The following HPR variants were observed in gnomAD, a reference collection of about 807,000 sequenced individuals.
HPR encodes the protein haptoglobin-related protein.
In HPR, 17 loss-of-function variants were observed where a neutral mutation model predicts 18.5. The observed-to-expected ratio is 0.92, with a 90% confidence interval of 0.63 to 1.38. The LOEUF (loss-of-function observed/expected upper bound fraction) is 1.38, where lower values mean the gene tolerates loss of function less well. HPR is among the 40% of genes most tolerant of loss of function. The pLI is 0.00. For synonymous variants in HPR, 176 were observed against 165.0 expected, an observed-to-expected ratio of 1.07 and a Z score of -0.51; for missense variants, 457 against 432.4, an observed-to-expected ratio of 1.06 and a Z score of -0.51.
intron 3 of HPR, chr16:72,074,782 G>C (rs1444111490): frequency 4.5e-6 from 3 of 673,492 alleles, no homozygotes; most frequent in African/African-American, 1.8e-5. Flanking sequence ...CCACTGAATA[G>C]AGGTTATTAT....
At chr16:72,075,821 T>C (rs1284531646) in intron 4 of HPR, among the ~76,000 whole-genome samples, 1 of 151,762 alleles carries the variant, frequency 6.6e-6, no homozygotes, top group Non-Finnish European at 1.5e-5. Context: ...GCCCTTTCTT[T>C]TTTCTTTCTT....
At chr16:72,075,052 TTCTTTTTAATTCTTC>T in intron 3 of HPR, 78 bp from the exon 4 acceptor site, 1 of 777,976 alleles carries the variant, frequency 1.3e-6, no homozygotes, top group African/African-American at 2.2e-5. Context: ...TTTCTTCTTC[TTCTTTTTAATTCTTC>T]TCCTTAAATG....
intron 1 of HPR, among the ~76,000 whole-genome samples, chr16:72,068,290 T>C (rs1168900681): frequency 1.3e-5 from 2 of 152,142 alleles, no homozygotes; most frequent in African/African-American, 4.8e-5. Context: ...GGCCGCTTAA[T>C]AAGTGCGGGC....
chr16:72,069,847 T>C (rs981957206), intron 1 of HPR, among the ~76,000 whole-genome samples: 4 of 152,322 alleles, frequency 2.6e-5, no homozygotes, highest in Admixed American at 6.5e-5. Context: ...TTAGTAATAA[T>C]AGACCACTTT....
chr16:72,074,794 C>A, intron 3 of HPR: 1 of 656,218 alleles, frequency 1.5e-6, no homozygotes, highest in Non-Finnish European at 2.8e-6. Context: ...GGTTATTATT[C>A]TCACTTTGCT....
At chr16:72,066,551 G>C (rs1004307518) in intron 1 of HPR, among the ~76,000 whole-genome samples, 13 of 152,218 alleles carry the variant, frequency 8.5e-5, no homozygotes, top group African/African-American at 3.1e-4. Flanking sequence ...TCCATACCCA[G>C]AACTCAAAAG....
intron 3 of HPR, chr16:72,074,811 G>T (rs1313812894): frequency 2.3e-5 from 15 of 651,386 alleles, no homozygotes; most frequent in Non-Finnish European, 4.2e-5. Flanking sequence ...TGCTGATAAG[G>T]AAACAGAGGC....
intron 2 of HPR, 97 bp downstream of exon 2, chr16:72,074,074 T>A (rs949775605): frequency 1.3e-5 from 19 of 1,509,550 alleles, no homozygotes; most frequent in African/African-American, 5.4e-5. Flanking sequence ...GAACACACAG[T>A]TCCCCATTCT....
chr16:72,075,438 T>G (rs1007520286), intron 4 of HPR, among the ~76,000 whole-genome samples: 26 of 152,202 alleles, frequency 1.7e-4, no homozygotes, highest in African/African-American at 6.3e-4. Flanking sequence ...GGGCACTGGC[T>G]GAATCCACTG....
rs1597422097 is a variant in HPR, at chr16:72,077,032, A to G, written c.998A>G (p.Lys333Arg). The change falls in exon 5 of 5, where the codon AAG becomes AGG. Residue 333 changes from lysine to arginine, a missense_variant. Lys to Arg is a conservative substitution (Grantham distance 26, BLOSUM62 2). Coordinates refer to ENST00000540303, the MANE Select transcript of HPR (RefSeq NM_020995.4). Reference protein sequence around the residue: ...CAVAEYGVYVKVTSIQHWVQK... With the variant: ...CAVAEYGVYVRVTSIQHWVQK... ...GTGGCTGAGTATGGTGTGTATGTGA[A>G]GGTGACTTCCATCCAGCACTGGGTT... is the stretch of plus-strand genomic sequence containing the variant. 1.2e-6 allele frequency: 2 copies of G among 1,614,054 alleles called. No individual in the cohort carries two copies. Among genetic ancestry groups the G allele is most frequent in the East Asian group, 4.5e-5 (2 of 44,868 alleles).
At chr16:72,071,514 G>A (rs1387552525) in intron 1 of HPR, among the ~76,000 whole-genome samples, 2 of 152,150 alleles carry the variant, frequency 1.3e-5, no homozygotes, top group African/African-American at 4.8e-5. Context: ...TCAACACCCT[G>A]AGGGTCAGCC....
At chr16:72,067,395 C>A (rs1027903709) in intron 1 of HPR, among the ~76,000 whole-genome samples, 2 of 152,148 alleles carry the variant, frequency 1.3e-5, no homozygotes, top group African/African-American at 4.8e-5. Flanking sequence ...ATACAGAAGT[C>A]AAGTACCAAG....
Sources: gnomAD v4.1 joint callset for allele counts (sites outside exome capture counted in the v4.1 genomes callset) on GRCh38, gnomAD v4.1.1 for gene constraint, MANE v1.5 for transcripts, NCBI Gene and HGNC (gene_info 2026-07-23, HGNC 2026-07-21) for gene names.